Variants in PALM2AKAP2 observed in about 807,000 individuals in gnomAD.
The protein encoded by PALM2AKAP2 is PALM2-AKAP2 fusion protein.
Under a neutral mutation model 71.5 loss-of-function variants are expected in PALM2AKAP2, and 37 were observed. That is an observed-to-expected ratio of 0.52 (90% CI 0.40 to 0.68). The LOEUF (loss-of-function observed/expected upper bound fraction) is 0.68, where lower values mean the gene tolerates loss of function less well. Ranked by LOEUF, PALM2AKAP2 falls within the 30% of genes least tolerant of loss-of-function variation. The probability of loss-of-function intolerance (pLI) is 0.00; values close to 1 mark genes in which losing one functional copy is unlikely to be tolerated. For synonymous variants in PALM2AKAP2, 468 were observed against 478.8 expected, an observed-to-expected ratio of 0.98 and a Z score of 0.29; for missense variants, 1,224 against 1,191.8, an observed-to-expected ratio of 1.03 and a Z score of -0.40.
At chr9:109,839,145 C>T (rs1442373348) in intron 1 of PALM2AKAP2, among the ~76,000 whole-genome samples, 6 of 152,124 alleles carry the variant, frequency 3.9e-5, no homozygotes, top group African/African-American at 7.2e-5. Context: ...AATAAAATAC[C>T]GGCAAACTGA....
chr9:109,718,362 C>T (rs750382883), intron 1 of PALM2AKAP2, among the ~76,000 whole-genome samples: 3 of 152,010 alleles, frequency 2.0e-5, no homozygotes, highest in Non-Finnish European at 4.4e-5. Flanking sequence ...TTACCATGCC[C>T]GGCCCCAGTT....
chr9:109,817,122 T>G (rs1827873941), intron 1 of PALM2AKAP2, among the ~76,000 whole-genome samples: 1 of 152,254 alleles, frequency 6.6e-6, no homozygotes, highest in African/African-American at 2.4e-5. Context: ...TTATAAAGCT[T>G]CTTTAATCAA....
chr9:109,757,312 T>G (rs1828978846), intron 1 of PALM2AKAP2, among the ~76,000 whole-genome samples: 1 of 152,186 alleles, frequency 6.6e-6, no homozygotes, highest in African/African-American at 2.4e-5. Flanking sequence ...AAAGAATACT[T>G]TGTAAGAATC....
chr9:110,106,415 C>T (rs763528514), intron 1 of PALM2AKAP2, among the ~76,000 whole-genome samples: 15 of 152,242 alleles, frequency 9.9e-5, no homozygotes, highest in Admixed American at 4.6e-4. Context: ...TGAGTGCTGG[C>T]CTAGAGGGGA....
intron 7 of PALM2AKAP2, among the ~76,000 whole-genome samples, chr9:110,032,691 AAAATAAATAAATAAATAAAT>A (rs200694533): frequency 0.25 from 32,216 of 131,404 alleles, 4,904 homozygotes; most frequent in Admixed American, 0.36. Context: ...ATTCTGTCTC[AAAATAAATAAATAAATAAAT>A]AAATAAATAA....
chr9:110,120,897 T>G (rs1212806117), intron 1 of PALM2AKAP2, among the ~76,000 whole-genome samples: 1 of 151,782 alleles, frequency 6.6e-6, no homozygotes, highest in Admixed American at 6.6e-5. Flanking sequence ...AGGCCGGGAG[T>G]TGACAACTAT....
At chr9:110,050,835 C>T (rs1397026491) in intron 1 of PALM2AKAP2, among the ~76,000 whole-genome samples, 1 of 151,926 alleles carries the variant, frequency 6.6e-6, no homozygotes, top group Non-Finnish European at 1.5e-5. Flanking sequence ...GCCATGTTGG[C>T]CAGGCTGGTC....
At chr9:109,644,644 C>G (rs1411013943) in intron 1 of PALM2AKAP2, among the ~76,000 whole-genome samples, 4 of 152,296 alleles carry the variant, frequency 2.6e-5, no homozygotes, top group Admixed American at 6.5e-5. Context: ...CTCTGCTTCC[C>G]TTATAAAACC....
chr9:110,161,386 C>T (rs190484277), intron 3 of PALM2AKAP2, among the ~76,000 whole-genome samples: 1 of 152,286 alleles, frequency 6.6e-6, no homozygotes, highest in East Asian at 1.9e-4. Flanking sequence ...TCTCATTTTC[C>T]ATAGTCAGGC....
At chr9:109,827,749 C>T (rs1033120883) in intron 1 of PALM2AKAP2, among the ~76,000 whole-genome samples, 7 of 151,994 alleles carry the variant, frequency 4.6e-5, no homozygotes, top group African/African-American at 7.3e-5. Context: ...AAGACAGTCA[C>T]GGACAAAAGG....
intron 6 of PALM2AKAP2, among the ~76,000 whole-genome samples, chr9:109,983,245 G>A (rs1189445480): frequency 6.6e-6 from 1 of 152,214 alleles, no homozygotes; most frequent in Non-Finnish European, 1.5e-5. Context: ...ATGTGCCATA[G>A]ATGCGAATAC....
At chr9:109,689,800 G>A (rs1026297509) in intron 1 of PALM2AKAP2, among the ~76,000 whole-genome samples, 5 of 152,296 alleles carry the variant, frequency 3.3e-5, no homozygotes, top group Middle Eastern at 3.4e-3. Context: ...TGTCTCTGGA[G>A]GAGCTGGGTA....
At chr9:110,051,294 A>G (rs1244246388) in intron 1 of PALM2AKAP2, among the ~76,000 whole-genome samples, 1 of 152,230 alleles carries the variant, frequency 6.6e-6, no homozygotes, top group Non-Finnish European at 1.5e-5. Context: ...TGGCTAATAA[A>G]GTGAAGTAGG....
At chr9:109,997,331 T>C (rs1200740317) in intron 6 of PALM2AKAP2, among the ~76,000 whole-genome samples, 1 of 152,222 alleles carries the variant, frequency 6.6e-6, no homozygotes, top group Non-Finnish European at 1.5e-5. Context: ...GTCTACCTCA[T>C]CATGTTGTAT....
chr9:109,747,676 T>C lies in PALM2AKAP2; in HGVS notation c.6-32812T>C, dbSNP rs115149802. Among the ~76,000 whole-genome samples the C allele has an allele frequency of 2.4e-3, 367 of 152,242 alleles. 3 individuals carry two copies. The highest frequency in any genetic ancestry group is 8.3e-3 in the African/African-American group (346 of 41,540). On this transcript the variant is annotated intron_variant, in intron 1 of 6. Transcript: ENST00000374531. ...AAATACTGTAACTCCATAATTTTTT[T>C]CTTTTTTTTTTGAGACAGAGTCTCA...
chr9:109,973,849 A>G (rs187119917), intron 6 of PALM2AKAP2, among the ~76,000 whole-genome samples: 135 of 152,336 alleles, frequency 8.9e-4, no homozygotes, highest in Middle Eastern at 3.4e-3. Context: ...GCCAGTACCA[A>G]TGGTATATAG....
chr9:109,981,705 G>A (rs1424443097), intron 6 of PALM2AKAP2, among the ~76,000 whole-genome samples: 1 of 152,148 alleles, frequency 6.6e-6, no homozygotes, highest in African/African-American at 2.4e-5. Context: ...TATTTGACAA[G>A]GTGCTCAACA....
chr9:109,964,967 T>C (rs1831918957), intron 6 of PALM2AKAP2, among the ~76,000 whole-genome samples: 1 of 152,200 alleles, frequency 6.6e-6, no homozygotes, highest in African/African-American at 2.4e-5. Flanking sequence ...ATCTTTCATC[T>C]GTTTCTTGCC....
At chr9:109,882,944 C>T (rs1408924805) in intron 3 of PALM2AKAP2, among the ~76,000 whole-genome samples, 3 of 152,082 alleles carry the variant, frequency 2.0e-5, no homozygotes, top group Admixed American at 6.5e-5. Flanking sequence ...CCACCGTGTC[C>T]GTCCTATTCT....
Sources: allele counts gnomAD v4.1 joint callset (sites outside exome capture counted in the v4.1 genomes callset), GRCh38; gene constraint gnomAD v4.1.1; transcripts MANE v1.5; gene names NCBI Gene and HGNC (gene_info 2026-07-23, HGNC 2026-07-21).